The following THOC2 variants were observed in gnomAD, a reference collection of about 807,000 sequenced individuals.
The protein encoded by THOC2 is THO complex 2.
In THOC2, 10 loss-of-function variants were observed where a neutral mutation model predicts 128.4. That is an observed-to-expected ratio of 0.08 (90% CI 0.05 to 0.13). The LOEUF is 0.13. Among genes scored for constraint, THOC2 ranks in the 10% least tolerant of loss-of-function variants. THOC2 has a pLI of 1.00. For missense variants in THOC2, 535 were observed against 1,155.7 expected (o/e 0.46, Z 7.79); for synonymous variants, 393 against 396.9 (o/e 0.99, Z 0.12).
At chrX:123,639,831 T>A (rs2047837823) in intron 16 of THOC2, among the ~76,000 whole-genome samples, 1 of 111,811 alleles carries the variant, frequency 8.9e-6, no homozygotes, top group African/African-American at 3.2e-5. Flanking sequence ...AGGAAATAAT[T>A]CCAGGCCTAA....
chrX:123,683,394 G>A (rs965905894), intron 8 of THOC2, among the ~76,000 whole-genome samples: 1 of 111,067 alleles, frequency 9.0e-6, no homozygotes, highest in African/African-American at 3.3e-5. Context: ...TGGGAAAGGG[G>A]TATGGGGGAA....
chrX:123,686,580 G>A lies in THOC2; in HGVS notation c.736C>T (p.His246Tyr). Residue 246 changes from histidine to tyrosine, a missense_variant, in exon 8 of 39, where the codon CAT (histidine) becomes TAT (tyrosine). By Grantham distance (83) the His-to-Tyr change is moderately conservative. Around this residue, in one of 9 missense-constraint regions of THOC2, gnomAD observed 197 missense variants for 313.4 expected, o/e 0.63. Transcript: ENST00000245838. ...AACTTGAATTTGAACCCAAGAATAT[G>A]ACACAGTGTTTGCGGTTCACACATA... Reference protein sequence around the residue: ...MSMCEPQTLCHILGFKFKFYQ... With the variant: ...MSMCEPQTLCYILGFKFKFYQ... 1 of 1,203,782 alleles carries A rather than the reference G, an allele frequency of 8.3e-7. No homozygotes were observed. The highest frequency in any genetic ancestry group is 1.1e-6 in the Non-Finnish European group (1 of 891,291).
chrX:123,732,669 C>A (rs1425134213), intron 1 of THOC2, among the ~76,000 whole-genome samples: 2 of 111,834 alleles, frequency 1.8e-5, no homozygotes, highest in Admixed American at 1.9e-4. Flanking sequence ...CAAGAGGGAG[C>A]GCGGAGACCT....
At chrX:123,622,193 T>A (rs1304325784) in intron 30 of THOC2, among the ~76,000 whole-genome samples, 1 of 111,012 alleles carries the variant, frequency 9.0e-6, no homozygotes, top group Non-Finnish European at 1.9e-5. Context: ...AGGCCAGGAG[T>A]TTGAGACCAG....
chrX:123,661,702 T>C, intron 12 of THOC2, among the ~76,000 whole-genome samples: 1 of 111,866 alleles, frequency 8.9e-6, no homozygotes, highest in Non-Finnish European at 1.9e-5. Context: ...ATGAATATTA[T>C]ATAATAAACA....
chrX:123,613,272 T>C, intron 36 of THOC2, 127 bp downstream of exon 36: 1 of 674,678 alleles, frequency 1.5e-6, no homozygotes. Context: ...CCTCAATACC[T>C]CTTCTTCCCA....
intron 33 of THOC2, among the ~76,000 whole-genome samples, chrX:123,616,213 G>A (rs1361082617): frequency 9.0e-6 from 1 of 110,753 alleles, no homozygotes; most frequent in Non-Finnish European, 1.9e-5. Context: ...TAGGACAAGT[G>A]CTCCCTATTA....
intron 8 of THOC2, among the ~76,000 whole-genome samples, chrX:123,680,546 TTGTCTC>T (rs2049724661): frequency 9.1e-6 from 1 of 110,380 alleles, no homozygotes; most frequent in African/African-American, 3.3e-5. Flanking sequence ...TCTCTATACT[TTGTCTC>T]TGTGTCTCTT....
At chrX:123,603,630 C>T in intron 38 of THOC2, 1 of 563,489 alleles carries the variant, frequency 1.8e-6, no homozygotes, top group Non-Finnish European at 3.1e-6. Context: ...AAAGCAGATT[C>T]CCATTAAATG....
At chrX:123,680,912 C>CACA (rs1041418413) in intron 8 of THOC2, among the ~76,000 whole-genome samples, 1 of 111,323 alleles carries the variant, frequency 9.0e-6, no homozygotes, top group African/African-American at 3.3e-5. Flanking sequence ...ACTGCTGCCA[C>CACA]ACACAATCAG....
intron 19 of THOC2, 64 bp from the exon 20 acceptor site, chrX:123,634,134 T>C (rs1340536481): frequency 1.6e-5 from 10 of 625,024 alleles, no homozygotes; most frequent in Non-Finnish European, 9.8e-6. Flanking sequence ...TAACAATGTA[T>C]TGTAATTAAT....
intron 12 of THOC2, among the ~76,000 whole-genome samples, chrX:123,648,025 A>T: frequency 9.0e-6 from 1 of 111,084 alleles, no homozygotes; most frequent in African/African-American, 3.3e-5. Context: ...CAAGAAAGCC[A>T]AATAGGAACA....
intron 8 of THOC2, among the ~76,000 whole-genome samples, chrX:123,686,066 G>C (rs1299372268): frequency 2.7e-5 from 3 of 111,387 alleles, no homozygotes; most frequent in Non-Finnish European, 3.8e-5. Context: ...TCTTAACACA[G>C]TATTCAAAGC....
At chrX:123,719,558 C>G (rs1376105843) in intron 1 of THOC2, among the ~76,000 whole-genome samples, 1 of 108,098 alleles carries the variant, frequency 9.3e-6, no homozygotes, top group African/African-American at 3.4e-5. Context: ...CATCACGCCA[C>G]TGCACTCCAG....
intron 9 of THOC2, among the ~76,000 whole-genome samples, chrX:123,668,775 T>A (rs2049145075): frequency 8.9e-6 from 1 of 112,227 alleles, no homozygotes; most frequent in Non-Finnish European, 1.9e-5. Context: ...ATGAAAAATT[T>A]CAAGTAGAAA....
At chrX:123,671,560 T>C in intron 9 of THOC2, 109 bp downstream of exon 9, 1 of 388,979 alleles carries the variant, frequency 2.6e-6, no homozygotes, top group South Asian at 8.6e-5. Flanking sequence ...AGAGTGAGAC[T>C]TGAGAACCTC....
intron 12 of THOC2, among the ~76,000 whole-genome samples, chrX:123,662,647 T>G (rs1162842818): frequency 9.2e-6 from 1 of 108,876 alleles, no homozygotes; most frequent in Non-Finnish European, 1.9e-5. Flanking sequence ...AATTTTTTGC[T>G]GTCAAAAGAT....
intron 1 of THOC2, among the ~76,000 whole-genome samples, chrX:123,713,476 CAA>C (rs1245124629): frequency 5.2e-5 from 2 of 38,375 alleles, no homozygotes. Flanking sequence ...TCTGTCTCTA[CAA>C]AAAAAAAAAA....
intron 38 of THOC2, chrX:123,603,831 T>A (rs1047029066): frequency 4.5e-5 from 9 of 198,971 alleles, no homozygotes; most frequent in Non-Finnish European, 7.2e-5. Context: ...CACAGAGTAT[T>A]TTAATAAAAT....
Sources: allele counts gnomAD v4.1 joint callset (sites outside exome capture counted in the v4.1 genomes callset), GRCh38; gene constraint gnomAD v4.1.1; regional missense constraint gnomAD v4.1.1; transcripts MANE v1.5; gene names NCBI Gene and HGNC (gene_info 2026-07-23, HGNC 2026-07-21).